KY: variants seen among roughly 807,000 people sequenced by gnomAD.
KY encodes the protein kyphoscoliosis peptidase.
KY carries 43 observed loss-of-function variants against 76.1 expected under a neutral mutation model. The observed-to-expected ratio is 0.57, with a 90% CI of 0.44 to 0.73. KY has a LOEUF of 0.73. KY is among the 30% of genes least tolerant of loss of function. KY has a pLI of 0.00. For synonymous variants in KY, 277 were observed against 326.2 expected (o/e 0.85, Z 1.63); for missense variants, 722 against 828.9 (o/e 0.87, Z 1.58).
chr3:134,609,335 C>A (rs1205914420), intron 9 of KY, among the ~76,000 whole-genome samples: 2 of 152,102 alleles, frequency 1.3e-5, no homozygotes, highest in African/African-American at 4.8e-5. Flanking sequence ...AAGAGAAGAA[C>A]AGAGAGGCCC....
chr3:134,636,914 C>T (rs1217548959), intron 3 of KY, among the ~76,000 whole-genome samples: 1 of 152,070 alleles, frequency 6.6e-6, no homozygotes, highest in Non-Finnish European at 1.5e-5. Context: ...GGCTATTTTC[C>T]TATTGAAGTA....
intron 6 of KY, among the ~76,000 whole-genome samples, chr3:134,621,696 A>G (rs1008566075): frequency 6.6e-6 from 1 of 152,212 alleles, no homozygotes; most frequent in African/African-American, 2.4e-5. Context: ...CACAAGCAAC[A>G]AAGGAAAAAA....
At chr3:134,638,496 C>T (rs1965283107) in intron 3 of KY, among the ~76,000 whole-genome samples, 1 of 152,184 alleles carries the variant, frequency 6.6e-6, no homozygotes, top group Non-Finnish European at 1.5e-5. Flanking sequence ...TCTCATGCAT[C>T]CCTCCCCAGC....
chr3:134,621,111 AG>A (rs1281888331), intron 6 of KY, among the ~76,000 whole-genome samples: 1 of 152,226 alleles, frequency 6.6e-6, no homozygotes, highest in Non-Finnish European at 1.5e-5. Context: ...GGGGCTAGCC[AG>A]GCAGGCATCT....
intron 9 of KY, among the ~76,000 whole-genome samples, chr3:134,609,319 G>C: frequency 6.6e-6 from 1 of 152,160 alleles, no homozygotes; most frequent in South Asian, 2.1e-4. Context: ...GTCAGTAATG[G>C]GGATCAAGAG....
chr3:134,610,071 G>T, intron 9 of KY, 124 bp downstream of exon 9: 1 of 1,027,306 alleles, frequency 9.7e-7, no homozygotes, highest in South Asian at 1.5e-5. Context: ...GGAGGAGTGG[G>T]CATGGGGCCT....
At chr3:134,647,907 A>T (rs528827011) in intron 1 of KY, among the ~76,000 whole-genome samples, 2 of 152,266 alleles carry the variant, frequency 1.3e-5, no homozygotes, top group South Asian at 4.1e-4. Context: ...GTGGGCTAAG[A>T]CCGTCAATCC....
chr3:134,604,100 C>A lies in KY; in HGVS notation c.1465G>T (p.Gly489Cys), dbSNP rs1191709031. 1.1e-5 allele frequency: 18 copies of A among 1,612,348 alleles called. No individual in the cohort carries two copies. Among genetic ancestry groups the A allele is most frequent in the Non-Finnish European group, 1.5e-5 (18 of 1,179,148 alleles). The change falls in exon 11 of 11, where the codon GGC becomes TGC. Residue 489 changes from glycine (G) to cysteine (C), a missense_variant. This residue lies in a region of KY where 552 missense variants were observed against 680.9 expected (regional missense o/e 0.81). Coordinates refer to ENST00000423778, the MANE Select transcript of KY (RefSeq NM_178554.6). ...TGGAGGGAAGCCAGGACATTAATGC[C>A]CTCCTCCACGCTGAAGCTGATGGAG... ...RCSISFSVEE[G>C]INVLASLHGD...
chr3:134,629,281 A>G, intron 4 of KY: 1 of 265,408 alleles, frequency 3.8e-6, no homozygotes, highest in Non-Finnish European at 7.4e-6. Flanking sequence ...TAAAAAGTTA[A>G]TAAATGTTAA....
rs534100293 is a variant in KY at position 134,602,463 on chromosome 3, G to A, written c.*1116C>T. Reference sequence around the variant, plus strand: ...GGAGACGGGATAGGATGTTTTCTCCGAGACAGGCACAAAAGCTGCTCTCGT... The same window carrying A: ...GGAGACGGGATAGGATGTTTTCTCCAAGACAGGCACAAAAGCTGCTCTCGT... On this transcript the variant is annotated 3_prime_UTR_variant, in exon 11 of 11. Coordinates refer to ENST00000423778, the MANE Select transcript of KY (RefSeq NM_178554.6). Among the ~76,000 whole-genome samples, 2 of 152,162 alleles carry A rather than the reference G, an allele frequency of 1.3e-5. No homozygotes were observed. Among genetic ancestry groups the A allele is most frequent in the Admixed American group, 6.5e-5 (1 of 15,284 alleles).
At position 134,620,852 on chromosome 3, in the gene KY, T is replaced by C. The variant is rs754293580; in HGVS notation, c.489A>G (p.Thr163=). The C allele has an allele frequency of 3.1e-6, 5 of 1,608,142 alleles. No individual in the cohort carries two copies. In the East Asian group the frequency reaches 8.9e-5, roughly 29 times the overall value. Residue 163 remains threonine (T), a synonymous_variant, in exon 7 of 11, where the codon ACA becomes ACG. Coordinates refer to ENST00000423778, the MANE Select transcript of KY (RefSeq NM_178554.6). ...EKLDIYASQV[T]AKSGLDELVS... is the part of the protein sequence containing the mutation. ...CCAGTTCGTCTAGGCCACTCTTGGC[T>C]GTCACCTGGGGAGCAGGAAGGGTGT...
intron 7 of KY, 54 bp from the exon 8 acceptor site, chr3:134,619,319 C>T: frequency 1.5e-6 from 2 of 1,351,104 alleles, no homozygotes; most frequent in South Asian, 1.2e-5. Flanking sequence ...GGCGAGAAGA[C>T]TCCACCCCAA....
intron 8 of KY, among the ~76,000 whole-genome samples, chr3:134,612,684 C>A (rs577988726): frequency 6.6e-6 from 1 of 151,674 alleles, no homozygotes; most frequent in African/African-American, 2.4e-5. Context: ...CTAAGCAGTG[C>A]CCCTGACACG....
At chr3:134,648,518 A>G (rs1366462626) in intron 1 of KY, among the ~76,000 whole-genome samples, 1 of 152,196 alleles carries the variant, frequency 6.6e-6, no homozygotes, top group East Asian at 1.9e-4. Flanking sequence ...CTGCAGGAGT[A>G]TATGCACTCT....
At chr3:134,643,827 T>TGC (rs1172795662) in intron 2 of KY, among the ~76,000 whole-genome samples, 1 of 100,200 alleles carries the variant, frequency 1.0e-5, no homozygotes, top group Non-Finnish European at 2.2e-5. Context: ...AGTCTCCTGC[T>TGC]TCTTTTTTTT....
intron 7 of KY, among the ~76,000 whole-genome samples, 166 bp downstream of exon 7, chr3:134,620,583 A>G (rs1962430863): frequency 6.6e-6 from 1 of 152,138 alleles, no homozygotes; most frequent in Admixed American, 6.5e-5. Flanking sequence ...CACATGGTGA[A>G]TTTTATCCTC....
intron 8 of KY, among the ~76,000 whole-genome samples, chr3:134,615,795 C>G (rs1445301828): frequency 6.6e-6 from 1 of 152,188 alleles, no homozygotes; most frequent in Non-Finnish European, 1.5e-5. Context: ...CTTTTGGGGC[C>G]TTTGGAACCA....
At chr3:134,637,279 A>T (rs921175591) in intron 3 of KY, among the ~76,000 whole-genome samples, 2 of 152,230 alleles carry the variant, frequency 1.3e-5, no homozygotes, top group African/African-American at 2.4e-5. Flanking sequence ...AGCAGCAAAT[A>T]CTTTCTGTGT....
rs780366750 is a variant in KY at position 134,610,399 on chromosome 3, G to A, written c.711-16C>T. ...TCCGGCGAGCCTGGGGGCAGGACAG[G>A]GGGTCTGAGAGGGGGATCCCGCTGT... On this transcript the variant is annotated splice_polypyrimidine_tract_variant and intron_variant, in intron 8 of 10. Coordinates refer to ENST00000423778, the MANE Select transcript of KY (RefSeq NM_178554.6). 6.2e-7 allele frequency: 1 copy of A among 1,603,338 alleles called. No homozygotes were observed.
Sources: allele counts gnomAD v4.1 joint callset (sites outside exome capture counted in the v4.1 genomes callset), GRCh38; gene constraint gnomAD v4.1.1; regional missense constraint gnomAD v4.1.1; transcripts MANE v1.5; gene names NCBI Gene and HGNC (gene_info 2026-07-23, HGNC 2026-07-21).